The following MRPS28 variants were observed in gnomAD, a reference collection of about 807,000 sequenced individuals.
The protein encoded by MRPS28 is mitochondrial ribosomal protein S28, also known as small ribosomal subunit protein bS1m.
In MRPS28, 7 loss-of-function variants were observed where a neutral mutation model predicts 10.8. That is an observed-to-expected ratio of 0.65 (90% confidence interval 0.37 to 1.22). MRPS28 has a LOEUF of 1.22. MRPS28 is among the 50% of genes most tolerant of loss of function. MRPS28 has a pLI of 0.02. For missense variants in MRPS28, 265 were observed against 232.9 expected, an observed-to-expected ratio of 1.14 and a Z score of -0.90; for synonymous variants, 121 against 93.3, an observed-to-expected ratio of 1.30 and a Z score of -1.71.
intron 2 of MRPS28, among the ~76,000 whole-genome samples, chr8:79,948,429 A>ACTTCTTC (rs1284840126): frequency 6.6e-6 from 1 of 152,146 alleles, no homozygotes; most frequent in Non-Finnish European, 1.5e-5. Flanking sequence ...AGACTGTTCC[A>ACTTCTTC]CTTCTTCCTT....
chr8:79,983,589 A>G (rs986059259), intron 2 of MRPS28, among the ~76,000 whole-genome samples: 15 of 152,238 alleles, frequency 9.9e-5, no homozygotes, highest in South Asian at 2.1e-4. Context: ...AGGAGCTGAC[A>G]GAGCTGAAAG....
intron 1 of MRPS28, among the ~76,000 whole-genome samples, chr8:80,011,298 G>A (rs1364627001): frequency 6.6e-6 from 1 of 151,710 alleles, no homozygotes; most frequent in South Asian, 2.1e-4. Flanking sequence ...CTTGTAACCA[G>A]GGCAGGTCCT....
intron 2 of MRPS28, among the ~76,000 whole-genome samples, chr8:79,988,247 GA>G (rs1439045290): frequency 2.4e-5 from 3 of 122,868 alleles, no homozygotes; most frequent in Non-Finnish European, 4.8e-5. Flanking sequence ...ACAGGAAGGG[GA>G]ACATCACACT....
chr8:80,024,129 C>G (rs1404841818), intron 1 of MRPS28, among the ~76,000 whole-genome samples: 1 of 151,910 alleles, frequency 6.6e-6, no homozygotes, highest in Non-Finnish European at 1.5e-5. Context: ...TCTCAGGAGG[C>G]TGAGGTGGGA....
chr8:79,926,103 T>A (rs1414762034), intron 2 of MRPS28, among the ~76,000 whole-genome samples: 1 of 152,002 alleles, frequency 6.6e-6, no homozygotes, highest in Non-Finnish European at 1.5e-5. Flanking sequence ...CTAAATATTT[T>A]TTGCTAGTCA....
chr8:79,959,185 A>G (rs1040504946), intron 2 of MRPS28, among the ~76,000 whole-genome samples: 1 of 152,134 alleles, frequency 6.6e-6, no homozygotes, highest in Non-Finnish European at 1.5e-5. Flanking sequence ...ACCGACTTTA[A>G]TAATAGCAGT....
chr8:79,999,783 A>G (rs1023142265), intron 2 of MRPS28, among the ~76,000 whole-genome samples: 7 of 152,190 alleles, frequency 4.6e-5, no homozygotes, highest in Admixed American at 4.6e-4. Context: ...CACAGTTAGA[A>G]ATAACATTAT....
intron 2 of MRPS28, among the ~76,000 whole-genome samples, chr8:79,984,529 C>G (rs2130092499): frequency 6.6e-6 from 1 of 152,244 alleles, no homozygotes; most frequent in South Asian, 2.1e-4. Flanking sequence ...TCAGGAGACC[C>G]ATCTCATGTG....
Position 79,982,456 on chromosome 8 carries a change from C to T in MRPS28, c.395+20543G>A, listed in dbSNP as rs1331518352. Among the ~76,000 whole-genome samples, 5 of 152,316 alleles carry T rather than the reference C, an allele frequency of 3.3e-5. No individual in the cohort carries two copies. The South Asian group carries it at 8.3e-4, about 25-fold the overall frequency. On this transcript the variant is annotated intron_variant, in intron 2 of 2. Coordinates refer to ENST00000276585, the MANE Select transcript of MRPS28 (RefSeq NM_014018.3). ...GCACCGTGCGTGAGCCGAAGCAGGG[C>T]GAGGCATTGCCTCACTCGGGAAGCA... is the stretch of plus-strand genomic sequence containing the variant.
At chr8:79,973,993 C>T (rs1807712336) in intron 2 of MRPS28, among the ~76,000 whole-genome samples, 1 of 152,092 alleles carries the variant, frequency 6.6e-6, no homozygotes. Flanking sequence ...CTCAAATGAT[C>T]CTCGGCCTCA....
intron 2 of MRPS28, among the ~76,000 whole-genome samples, chr8:79,946,821 A>G (rs1806932299): frequency 6.6e-6 from 1 of 152,200 alleles, no homozygotes; most frequent in Non-Finnish European, 1.5e-5. Flanking sequence ...TTTGTATTTT[A>G]TAAAGAATCA....
At chr8:79,954,249 T>C (rs1807148610) in intron 2 of MRPS28, among the ~76,000 whole-genome samples, 1 of 151,946 alleles carries the variant, frequency 6.6e-6, no homozygotes, top group Non-Finnish European at 1.5e-5. Context: ...AATTAAACCA[T>C]AAAAAATATA....
chr8:79,993,445 C>A (rs1427895100), intron 2 of MRPS28, among the ~76,000 whole-genome samples: 1 of 152,128 alleles, frequency 6.6e-6, no homozygotes, highest in Non-Finnish European at 1.5e-5. Flanking sequence ...AACAATCAAT[C>A]CAATACAACA....
intron 2 of MRPS28, among the ~76,000 whole-genome samples, chr8:79,959,863 C>T (rs1807329098): frequency 6.6e-6 from 1 of 152,028 alleles, no homozygotes; most frequent in South Asian, 2.1e-4. Context: ...ATCTTATAAG[C>T]CAATATTAAT....
chr8:79,937,167 G>C (rs1011803357), intron 2 of MRPS28, among the ~76,000 whole-genome samples: 1 of 152,122 alleles, frequency 6.6e-6, no homozygotes, highest in African/African-American at 2.4e-5. Flanking sequence ...CTGGCCACAA[G>C]CTCTTAGTTT....
intron 2 of MRPS28, among the ~76,000 whole-genome samples, chr8:79,960,365 G>A (rs1433024105): frequency 7.2e-5 from 11 of 152,058 alleles, no homozygotes; most frequent in Admixed American, 7.2e-4. Flanking sequence ...CTGGCTCTGT[G>A]CCAGAGCCTA....
At chr8:79,951,190 G>GTAGGA (rs1464796602) in intron 2 of MRPS28, among the ~76,000 whole-genome samples, 6 of 152,338 alleles carry the variant, frequency 3.9e-5, no homozygotes, top group African/African-American at 1.2e-4. Flanking sequence ...TGTAAGTGAA[G>GTAGGA]TAGGACGGGA....
At chr8:80,012,350 G>C (rs1391703462) in intron 1 of MRPS28, among the ~76,000 whole-genome samples, 1 of 152,184 alleles carries the variant, frequency 6.6e-6, no homozygotes, top group African/African-American at 2.4e-5. Context: ...AACCATCTCT[G>C]AATCCTAGGG....
chr8:80,026,095 T>C (rs1001640020), intron 1 of MRPS28, among the ~76,000 whole-genome samples: 3 of 152,216 alleles, frequency 2.0e-5, no homozygotes, highest in African/African-American at 7.2e-5. Flanking sequence ...AATATTACTT[T>C]TGTAAAATTT....
Sources: allele counts gnomAD v4.1 joint callset (sites outside exome capture counted in the v4.1 genomes callset), GRCh38; gene constraint gnomAD v4.1.1; transcripts MANE v1.5; gene names NCBI Gene and HGNC (gene_info 2026-07-23, HGNC 2026-07-21).